FAM81A: variants seen among roughly 807,000 people sequenced by gnomAD.
The protein encoded by FAM81A is protein FAM81A.
Under a neutral mutation model 46.7 loss-of-function variants are expected in FAM81A, and 19 were observed. The ratio of observed to expected loss-of-function variants is 0.41; its 90% CI spans 0.28 to 0.60. The LOEUF (loss-of-function observed/expected upper bound fraction) is 0.60. FAM81A is among the 20% of genes least tolerant of loss of function. FAM81A has a pLI of 0.34. For synonymous variants in FAM81A, 183 were observed against 152.9 expected, an observed-to-expected ratio of 1.20 and a Z score of -1.45; for missense variants, 377 against 453.5, an observed-to-expected ratio of 0.83 and a Z score of 1.53.
chr15:59,453,976 GGGAGGCC>G (rs1369193615), intron 1 of FAM81A, among the ~76,000 whole-genome samples: 22 of 152,268 alleles, frequency 1.4e-4, no homozygotes, highest in African/African-American at 4.8e-4. Context: ...CTGCCTGCCT[GGGAGGCC>G]CTTGCCTTCT....
intron 3 of FAM81A, 45 bp from the exon 4 acceptor site, chr15:59,492,226 C>T (rs751935746): frequency 5.5e-5 from 78 of 1,420,352 alleles, no homozygotes; most frequent in East Asian, 1.6e-4. Flanking sequence ...TGTGGAAGCA[C>T]GTGAATTCTT....
At chr15:59,514,585 A>G (rs1388929046) in intron 7 of FAM81A, among the ~76,000 whole-genome samples, 161 bp downstream of exon 7, 1 of 152,218 alleles carries the variant, frequency 6.6e-6, no homozygotes, top group Non-Finnish European at 1.5e-5. Flanking sequence ...TGTATTCTTC[A>G]TAAAGACATA....
chr15:59,436,147 G>A (rs2081241914), upstream of FAM81A, among the ~76,000 whole-genome samples: 1 of 152,184 alleles, frequency 6.6e-6, no homozygotes, highest in African/African-American at 2.4e-5. Flanking sequence ...GGAAATGAAA[G>A]TCAGCCTAAA....
At chr15:59,450,175 C>T (rs1285490190) in intron 1 of FAM81A, among the ~76,000 whole-genome samples, 1 of 150,354 alleles carries the variant, frequency 6.7e-6, no homozygotes, top group Non-Finnish European at 1.5e-5. Flanking sequence ...AAGCCATCTG[C>T]CGCCTCGGCC....
intron 4 of FAM81A, among the ~76,000 whole-genome samples, chr15:59,506,593 C>G (rs895536370): frequency 3.9e-5 from 6 of 152,188 alleles, no homozygotes; most frequent in African/African-American, 1.4e-4. Flanking sequence ...TAGCTCTAAA[C>G]TCTTATGGGT....
At chr15:59,500,848 A>G (rs2082083930) in intron 4 of FAM81A, among the ~76,000 whole-genome samples, 1 of 151,622 alleles carries the variant, frequency 6.6e-6, no homozygotes, top group Non-Finnish European at 1.5e-5. Flanking sequence ...TTCTTTTATA[A>G]TTTCTATAGC....
At chr15:59,481,288 G>A (rs577026620) in intron 3 of FAM81A, among the ~76,000 whole-genome samples, 17 of 152,234 alleles carry the variant, frequency 1.1e-4, no homozygotes, top group Admixed American at 6.5e-4. Flanking sequence ...GTGAGCCATC[G>A]CACCCGACCC....
chr15:59,515,870 G>A (rs2141840390), intron 7 of FAM81A, among the ~76,000 whole-genome samples: 1 of 152,246 alleles, frequency 6.6e-6, no homozygotes, highest in Admixed American at 6.5e-5. Context: ...ATGGAAGTCT[G>A]GGTATAGGTA....
At chr15:59,431,411 T>A (rs2081219263) in intron 2 of FAM81A, among the ~76,000 whole-genome samples, 1 of 152,042 alleles carries the variant, frequency 6.6e-6, no homozygotes, top group Non-Finnish European at 1.5e-5. Context: ...ATTTTTGTAT[T>A]TTTAGTAGAG....
intron 1 of FAM81A, among the ~76,000 whole-genome samples, chr15:59,449,228 C>T (rs1480883008): frequency 6.6e-6 from 1 of 152,038 alleles, no homozygotes; most frequent in Non-Finnish European, 1.5e-5. Flanking sequence ...CAATTTGACT[C>T]CCCTTTGAAC....
At chr15:59,472,799 A>G (rs1166840463) in intron 3 of FAM81A, among the ~76,000 whole-genome samples, 20 of 152,148 alleles carry the variant, frequency 1.3e-4, no homozygotes, top group African/African-American at 4.6e-4. Flanking sequence ...GTCAGGTCCA[A>G]TTACCTGCAA....
chr15:59,492,779 A>G (rs917539472), intron 4 of FAM81A, among the ~76,000 whole-genome samples: 2 of 152,176 alleles, frequency 1.3e-5, no homozygotes, highest in Admixed American at 1.3e-4. Context: ...GGTCTGGGAA[A>G]GATTGGAAAC....
chr15:59,519,267 C>T (rs148600241), intron 8 of FAM81A, among the ~76,000 whole-genome samples: 1 of 151,852 alleles, frequency 6.6e-6, no homozygotes, highest in East Asian at 1.9e-4. Flanking sequence ...CGGCTGACTG[C>T]GACCTATTCT....
chr15:59,491,371 A>G (rs932758669), intron 3 of FAM81A, among the ~76,000 whole-genome samples: 68 of 152,298 alleles, frequency 4.5e-4, no homozygotes, highest in African/African-American at 1.6e-3. Flanking sequence ...AAATTAAAAC[A>G]ATTGAACTCA....
At chr15:59,479,070 G>A (rs1436949961) in intron 3 of FAM81A, among the ~76,000 whole-genome samples, 1 of 152,180 alleles carries the variant, frequency 6.6e-6, no homozygotes, top group Admixed American at 6.5e-5. Flanking sequence ...TGCAGTAATG[G>A]CCCAAGCACA....
At chr15:59,489,339 G>A (rs2081958522) in intron 3 of FAM81A, among the ~76,000 whole-genome samples, 1 of 149,696 alleles carries the variant, frequency 6.7e-6, no homozygotes, top group South Asian at 2.1e-4. Context: ...ACATACCTGT[G>A]AATTAACCAA....
At chr15:59,400,713 A>T (rs565376621) in intron 1 of FAM81A, among the ~76,000 whole-genome samples, 1 of 152,124 alleles carries the variant, frequency 6.6e-6, no homozygotes. Flanking sequence ...CCAAGCTGCA[A>T]TGCTCTTTTC....
chr15:59,467,331 A>G (rs368599300), intron 3 of FAM81A, among the ~76,000 whole-genome samples: 1 of 152,080 alleles, frequency 6.6e-6, no homozygotes, highest in East Asian at 1.9e-4. Context: ...GATTCTTCCT[A>G]TCCATGAGCA....
Position 59,467,028 on chromosome 15 carries a change from A to G in FAM81A, c.294+6822A>G, listed in dbSNP as rs534451388. Among the ~76,000 whole-genome samples the G allele has an allele frequency of 1.8e-4, 27 of 152,056 alleles. 1 individual carries two copies. The East Asian group carries it at 5.2e-3, about 29-fold the overall frequency. On this transcript the variant is annotated intron_variant, in intron 3 of 8. Coordinates refer to ENST00000288228, the MANE Select transcript of FAM81A (RefSeq NM_152450.3). ...GATCAGATGGTTGTAGATGTGTGGT[A>G]TTATTTCTGAGGCCTCTGTTCTGTT...
Sources: gnomAD v4.1 joint callset for allele counts (sites outside exome capture counted in the v4.1 genomes callset) on GRCh38, gnomAD v4.1.1 for gene constraint, MANE v1.5 for transcripts, NCBI Gene and HGNC (gene_info 2026-07-23, HGNC 2026-07-21) for gene names.